Variants in CTNNA2 observed in about 807,000 individuals in gnomAD.
The protein encoded by CTNNA2 is catenin alpha 2.
In CTNNA2, 42 loss-of-function variants were observed where a neutral mutation model predicts 101.0. The ratio of observed to expected loss-of-function variants is 0.42; its 90% CI spans 0.32 to 0.54. The LOEUF is 0.54. Among genes scored for constraint, CTNNA2 ranks in the 20% least tolerant of loss-of-function variants. CTNNA2 has a pLI of 0.14. For synonymous variants in CTNNA2, 450 were observed against 456.4 expected (o/e 0.99, Z 0.18); for missense variants, 871 against 1,223.1 (o/e 0.71, Z 4.29).
At chr2:79,664,064 G>A (rs1360527221) in intron 2 of CTNNA2, among the ~76,000 whole-genome samples, 1 of 152,204 alleles carries the variant, frequency 6.6e-6, no homozygotes, top group African/African-American at 2.4e-5. Context: ...TAAAAAGTGT[G>A]TATGAATGTT....
chr2:80,543,260 A>G (rs1691737719), intron 9 of CTNNA2, among the ~76,000 whole-genome samples: 1 of 152,222 alleles, frequency 6.6e-6, no homozygotes, highest in Admixed American at 6.5e-5. Flanking sequence ...ATGATATAAC[A>G]AAGAAATTGA....
intron 2 of CTNNA2, among the ~76,000 whole-genome samples, chr2:79,737,348 C>CAA (rs35471827): frequency 2.0e-4 from 20 of 99,464 alleles, no homozygotes; most frequent in Admixed American, 6.5e-4. Flanking sequence ...GACTCCGTCT[C>CAA]AAAAAAAAAA....
At chr2:79,797,614 T>A (rs1264166481) in intron 3 of CTNNA2, among the ~76,000 whole-genome samples, 1 of 136,736 alleles carries the variant, frequency 7.3e-6, no homozygotes, top group East Asian at 2.2e-4. Flanking sequence ...TGAGCCAAGA[T>A]CACACCACTG....
chr2:79,390,154 A>G (rs1212500184), intron 4 of CTNNA2, among the ~76,000 whole-genome samples: 1 of 152,110 alleles, frequency 6.6e-6, no homozygotes, highest in Non-Finnish European at 1.5e-5. Context: ...AAAGGTGTGT[A>G]TTTGGAAACT....
chr2:79,906,249 A>G (rs963076751), intron 6 of CTNNA2, among the ~76,000 whole-genome samples: 1 of 150,902 alleles, frequency 6.6e-6, no homozygotes, highest in African/African-American at 2.5e-5. Context: ...ACACATACAC[A>G]CACAGCTCCA....
intron 7 of CTNNA2, among the ~76,000 whole-genome samples, chr2:80,212,993 ATT>A (rs980119674): frequency 6.6e-6 from 1 of 151,790 alleles, no homozygotes; most frequent in African/African-American, 2.4e-5. Flanking sequence ...TTTCTAGTTT[ATT>A]TGCACAGAGG....
chr2:79,703,268 C>A (rs1685129668), intron 2 of CTNNA2, among the ~76,000 whole-genome samples: 1 of 152,116 alleles, frequency 6.6e-6, no homozygotes, highest in Non-Finnish European at 1.5e-5. Flanking sequence ...CAGATAGGTT[C>A]AAAAATCTAT....
At chr2:80,514,294 C>A (rs1281236844) in intron 9 of CTNNA2, among the ~76,000 whole-genome samples, 1 of 152,130 alleles carries the variant, frequency 6.6e-6, no homozygotes, top group African/African-American at 2.4e-5. Context: ...TCTGTGCAGG[C>A]CCCCTGGCAG....
chr2:79,698,810 A>G (rs960115998), intron 2 of CTNNA2, among the ~76,000 whole-genome samples: 1 of 152,092 alleles, frequency 6.6e-6, no homozygotes, highest in African/African-American at 2.4e-5. Flanking sequence ...CCTGATAAAC[A>G]TAATCCCCAT....
chr2:79,866,625 T>G (rs1437431625), intron 4 of CTNNA2: 1 of 152,252 alleles, frequency 6.6e-6, no homozygotes. Flanking sequence ...GCAGCTTTCT[T>G]TCTAGTTCTG....
intron 2 of CTNNA2, among the ~76,000 whole-genome samples, chr2:79,256,690 G>GTCT (rs1167462738): frequency 6.6e-6 from 1 of 152,204 alleles, no homozygotes; most frequent in African/African-American, 2.4e-5. Flanking sequence ...ACTCCTGGGA[G>GTCT]TAGAAGGGGC....
At chr2:79,576,424 AT>A (rs1675803766) in intron 1 of CTNNA2, among the ~76,000 whole-genome samples, 1 of 152,160 alleles carries the variant, frequency 6.6e-6, no homozygotes, top group Admixed American at 6.5e-5. Flanking sequence ...TTTTAATTTT[AT>A]CTTACCTGTA....
intron 3 of CTNNA2, among the ~76,000 whole-genome samples, chr2:79,847,542 C>CAAAAAA (rs70940050): frequency 3.2e-4 from 13 of 40,162 alleles, no homozygotes; most frequent in African/African-American, 7.6e-4. Context: ...GACTCTGTCT[C>CAAAAAA]AAAAAAAAAA....
At chr2:80,234,231 C>T (rs1709421672) in intron 7 of CTNNA2, among the ~76,000 whole-genome samples, 1 of 152,114 alleles carries the variant, frequency 6.6e-6, no homozygotes, top group South Asian at 2.1e-4. Context: ...AGGGTTTTGC[C>T]ATGTTGGCCA....
At chr2:79,408,985 G>A (rs1678375403) in intron 4 of CTNNA2, among the ~76,000 whole-genome samples, 1 of 151,656 alleles carries the variant, frequency 6.6e-6, no homozygotes, top group East Asian at 1.9e-4. Context: ...TTTGATGATT[G>A]CCATTCTAAC....
chr2:79,405,466 C>T (rs1678331494), intron 4 of CTNNA2, among the ~76,000 whole-genome samples: 1 of 151,978 alleles, frequency 6.6e-6, no homozygotes, highest in Non-Finnish European at 1.5e-5. Context: ...GCTGGGATTA[C>T]AGGTGTGCAC....
intron 4 of CTNNA2, among the ~76,000 whole-genome samples, chr2:79,487,110 G>C (rs1477335505): frequency 6.6e-6 from 1 of 152,102 alleles, no homozygotes; most frequent in Non-Finnish European, 1.5e-5. Context: ...CAGTTTAAAA[G>C]ATGCATTAAC....
rs185785767 is a variant in CTNNA2, at chr2:80,400,159, C to A, written c.1137+6868C>A. 2.0e-4 allele frequency among the ~76,000 whole-genome samples: 31 copies of A among 152,292 alleles called. No homozygotes were observed. In the East Asian group the frequency reaches 6.0e-3, roughly 29 times the overall value. On this transcript the variant is annotated intron_variant, in intron 8 of 18. Coordinates refer to ENST00000402739, the MANE Select transcript of CTNNA2 (RefSeq NM_001282597.3). ...GTACTCAGTGGATCTTTGCAGTCAG[C>A]TTGTAGCCAAATATATCTGTTCCAT...
At chr2:80,328,941 T>C (rs1473293991) in intron 7 of CTNNA2, among the ~76,000 whole-genome samples, 1 of 152,208 alleles carries the variant, frequency 6.6e-6, no homozygotes, top group Non-Finnish European at 1.5e-5. Context: ...TTTCTATATA[T>C]GTTCCATTAC....
Sources: gnomAD v4.1 joint callset for allele counts (sites outside exome capture counted in the v4.1 genomes callset) on GRCh38, gnomAD v4.1.1 for gene constraint, MANE v1.5 for transcripts, NCBI Gene and HGNC (gene_info 2026-07-23, HGNC 2026-07-21) for gene names.